The following SAMD5 variants were observed in gnomAD, a reference collection of about 807,000 sequenced individuals.
The protein encoded by SAMD5 is sterile alpha motif domain containing 5.
A neutral mutation model predicts 11.3 loss-of-function variants in SAMD5; 13 were observed. The observed-to-expected ratio is 1.15, with a 90% confidence interval of 0.75 to 1.83. The LOEUF (loss-of-function observed/expected upper bound fraction) is 1.83, where lower values mean the gene tolerates loss of function less well. Among genes scored for constraint, SAMD5 ranks in the 40% most tolerant of loss-of-function variants. SAMD5 has a pLI of 0.00. For missense variants in SAMD5, 255 were observed against 239.1 expected (o/e 1.07, Z -0.44); for synonymous variants, 129 against 111.3 (o/e 1.16, Z -1.00).
chr6:147,921,004 C>G, the SAMD5 span, among the ~76,000 whole-genome samples: 1 of 152,170 alleles, frequency 6.6e-6, no homozygotes, highest in Non-Finnish European at 1.5e-5. Flanking sequence ...TCAAACCTAA[C>G]TTGCCTGAAT....
chr6:147,564,453 C>A lies in SAMD5; in HGVS notation c.519C>A (p.Arg173=), dbSNP rs1290454951. ...LMNWPKSSQS[R] Reference sequence around the variant, plus strand: ...ATTGGCCGAAGTCATCACAGAGCCGCTAGATATCATTTTTGAGACCTCGTG... The same window carrying A: ...ATTGGCCGAAGTCATCACAGAGCCGATAGATATCATTTTTGAGACCTCGTG... Residue 173 remains arginine, a synonymous_variant, in exon 2 of 2, where the codon CGC becomes CGA. Coordinates refer to ENST00000367474, the MANE Select transcript of SAMD5 (RefSeq NM_001030060.3). 1.3e-6 allele frequency: 1 copy of A among 782,708 alleles called. No homozygotes were observed. Among genetic ancestry groups the A allele is most frequent in the Non-Finnish European group, 2.4e-6 (1 of 419,876 alleles). The allele number at this position is 782,708 out of a possible 1,614,324, so 48.5% of individuals were successfully genotyped here. A position where few individuals can be genotyped will look rare whatever the true frequency, so the allele number is the denominator to read the frequency against.
rs59698162 is a variant in SAMD5 at position 147,554,377 on chromosome 6, G to A, written c.460-10017G>A. 2.7e-3 allele frequency among the ~76,000 whole-genome samples: 405 copies of A among 152,284 alleles called. 9 individuals are homozygous for A. The East Asian group carries it at 0.058, about 22-fold the overall frequency. The stretch of plus-strand genomic sequence containing the variant: ...GGAAAGAATCGCTAAAGAGGATGAC[G>A]CTGTTGTCTTGCTTCCTTGCCCCTT... On this transcript the variant is annotated intron_variant, in intron 1 of 1. Transcript: ENST00000367474.
At chr6:147,874,988 A>T in the SAMD5 span, among the ~76,000 whole-genome samples, 1 of 152,096 alleles carries the variant, frequency 6.6e-6, no homozygotes, top group South Asian at 2.1e-4. Flanking sequence ...GAACTCTCTT[A>T]ATTGCCTATT....
At chr6:147,928,645 T>C in the SAMD5 span, among the ~76,000 whole-genome samples, 1 of 152,172 alleles carries the variant, frequency 6.6e-6, no homozygotes, top group South Asian at 2.1e-4. Flanking sequence ...GAATGGTTTT[T>C]CGTATCTCAG....
At chr6:147,909,006 C>T in the SAMD5 span, among the ~76,000 whole-genome samples, 3 of 152,078 alleles carry the variant, frequency 2.0e-5, no homozygotes, top group South Asian at 2.1e-4. Flanking sequence ...CCCAGGAGTT[C>T]GAGACCAACC....
the SAMD5 span, among the ~76,000 whole-genome samples, chr6:147,948,320 A>C: frequency 6.6e-6 from 1 of 150,980 alleles, no homozygotes; most frequent in African/African-American, 2.4e-5. Flanking sequence ...TGAATTTCAT[A>C]GTTGAATATA....
intron 1 of SAMD5, among the ~76,000 whole-genome samples, chr6:147,579,980 G>A (rs1421889666): frequency 6.6e-6 from 1 of 152,148 alleles, no homozygotes; most frequent in African/African-American, 2.4e-5. Flanking sequence ...ATATAGTGTG[G>A]GCAATTGAAT....
At chr6:147,722,831 G>T (rs1321190200) in intron 1 of SAMD5, among the ~76,000 whole-genome samples, 1 of 152,160 alleles carries the variant, frequency 6.6e-6, no homozygotes, top group African/African-American at 2.4e-5. Flanking sequence ...GTTCTGTGAG[G>T]CCATTATTGT....
At chr6:147,785,063 C>T in the SAMD5 span, among the ~76,000 whole-genome samples, 1 of 152,090 alleles carries the variant, frequency 6.6e-6, no homozygotes, top group African/African-American at 2.4e-5. Context: ...TTGCTGTATC[C>T]ATATGCTCTA....
chr6:147,805,958 C>A, the SAMD5 span, among the ~76,000 whole-genome samples: 1 of 152,090 alleles, frequency 6.6e-6, no homozygotes, highest in African/African-American at 2.4e-5. Flanking sequence ...ATACCCCTCA[C>A]TCTAGGTTTT....
At chr6:147,832,710 A>G in the SAMD5 span, among the ~76,000 whole-genome samples, 1 of 152,240 alleles carries the variant, frequency 6.6e-6, no homozygotes, top group African/African-American at 2.4e-5. Flanking sequence ...ACTTTATCAC[A>G]TCAATATTTG....
At chr6:147,877,181 C>T in the SAMD5 span, among the ~76,000 whole-genome samples, 3 of 152,056 alleles carry the variant, frequency 2.0e-5, no homozygotes, top group Admixed American at 2.0e-4. Flanking sequence ...GTGCACAATA[C>T]CTGGCGCATA....
At chr6:147,588,669 G>GT (rs374750438) in intron 1 of SAMD5, among the ~76,000 whole-genome samples, 8 of 151,050 alleles carry the variant, frequency 5.3e-5, no homozygotes, top group African/African-American at 7.3e-5. Context: ...AATAAAATGT[G>GT]TTTTTTTTTA....
chr6:147,873,947 A>G, the SAMD5 span, among the ~76,000 whole-genome samples: 28 of 152,338 alleles, frequency 1.8e-4, no homozygotes, highest in Admixed American at 1.8e-3. Context: ...ATACATAGGA[A>G]AAATAGAATG....
intron 1 of SAMD5, among the ~76,000 whole-genome samples, chr6:147,728,072 G>A (rs1162425808): frequency 1.3e-5 from 2 of 152,158 alleles, no homozygotes; most frequent in African/African-American, 4.8e-5. Flanking sequence ...TCACTGTTTT[G>A]TAATTCTGAT....
At chr6:147,649,625 CTACAAAAA>C (rs1389381442) in intron 1 of SAMD5, among the ~76,000 whole-genome samples, 17 of 152,088 alleles carry the variant, frequency 1.1e-4, no homozygotes, top group Non-Finnish European at 2.9e-5. Context: ...AACTCCGTTT[CTACAAAAA>C]TACAAAAATT....
At chr6:147,905,842 T>A in the SAMD5 span, among the ~76,000 whole-genome samples, 16 of 152,320 alleles carry the variant, frequency 1.1e-4, no homozygotes, top group African/African-American at 3.6e-4. Flanking sequence ...AAGACGCCTA[T>A]CCTCTGAGGC....
At chr6:147,745,239 A>G in the SAMD5 span, among the ~76,000 whole-genome samples, 1 of 152,164 alleles carries the variant, frequency 6.6e-6, no homozygotes, top group East Asian at 1.9e-4. Context: ...AAGATTGTTC[A>G]TGAGTGTCAA....
intron 1 of SAMD5, among the ~76,000 whole-genome samples, chr6:147,591,157 A>T (rs1447603824): frequency 6.6e-6 from 1 of 152,176 alleles, no homozygotes; most frequent in African/African-American, 2.4e-5. Flanking sequence ...GGGGAAAAAA[A>T]AAAACCCAAG....
Sources: allele counts gnomAD v4.1 joint callset (sites outside exome capture counted in the v4.1 genomes callset), GRCh38; gene constraint gnomAD v4.1.1; transcripts MANE v1.5; gene names NCBI Gene and HGNC (gene_info 2026-07-23, HGNC 2026-07-21).